FHIP1A: variants seen among roughly 807,000 people sequenced by gnomAD.
The protein encoded by FHIP1A is FHF complex subunit HOOK interacting protein 1A.
Under a neutral mutation model 88.6 loss-of-function variants are expected in FHIP1A, and 61 were observed. The observed-to-expected ratio is 0.69, with a 90% CI of 0.56 to 0.85. FHIP1A has a LOEUF of 0.85. Among genes scored for constraint, FHIP1A ranks in the 40% least tolerant of loss-of-function variants. FHIP1A has a pLI of 0.00. For synonymous variants in FHIP1A, 478 were observed against 496.0 expected (o/e 0.96, Z 0.48); for missense variants, 1,154 against 1,273.5 (o/e 0.91, Z 1.43).
intron 5 of FHIP1A, among the ~76,000 whole-genome samples, chr4:151,578,304 T>C (rs2126792016): frequency 6.6e-6 from 1 of 152,296 alleles, no homozygotes; most frequent in South Asian, 2.1e-4. Context: ...AGGCTAGATG[T>C]GTTACCATTT....
At chr4:151,458,856 A>G (rs1451695196) in intron 2 of FHIP1A, among the ~76,000 whole-genome samples, 2 of 152,250 alleles carry the variant, frequency 1.3e-5, no homozygotes, top group Middle Eastern at 3.4e-3. Flanking sequence ...GTGGATCTCT[A>G]TCAGGATCAC....
chr4:151,617,553 C>A (rs991575883), intron 7 of FHIP1A, among the ~76,000 whole-genome samples: 1 of 152,298 alleles, frequency 6.6e-6, no homozygotes, highest in Admixed American at 6.5e-5. Flanking sequence ...CGTGTTCCTG[C>A]TGGATTATCC....
chr4:151,664,802 CT>C lies in FHIP1A; in HGVS notation c.*2051del, dbSNP rs1475646389. ...CACATCTGTAAATGGAATTCTTTAG[CT>C]TTGTAGTTTGATTTACACCTTTCTC... On this transcript the variant is annotated 3_prime_UTR_variant, in exon 14 of 14. Transcript: ENST00000435205. Among the ~76,000 whole-genome samples, 1 of 152,166 alleles carries C rather than the reference CT, an allele frequency of 6.6e-6. No homozygotes were observed. Among genetic ancestry groups the C allele is most frequent in the Non-Finnish European group, 1.5e-5 (1 of 68,020 alleles).
rs1422914003 is a variant in FHIP1A at position 151,656,460 on chromosome 4, T to G, written c.2730+50T>G. The G allele has an allele frequency of 1.3e-6, 2 of 1,500,228 alleles. No individual in the cohort carries two copies. The highest frequency in any genetic ancestry group is 2.8e-5 in the African/African-American group (2 of 71,652). The allele number at this position is 1,500,228 out of a possible 1,614,324, so 92.9% of individuals were successfully genotyped here. A position where few individuals can be genotyped will look rare whatever the true frequency, so the allele number is the denominator to read the frequency against. ...CACCTGTTGATTTTGTGGGTGCTAA[T>G]TTGCAGGGCATCTATTTCTCTTTAT... On this transcript the variant is annotated intron_variant, in intron 12 of 13. Transcript: ENST00000435205. The surrounding 1 kb of genome is among the most constrained non-coding windows in gnomAD (Gnocchi z 4.2).
At chr4:151,501,661 T>G (rs1730652771) in intron 3 of FHIP1A, among the ~76,000 whole-genome samples, 1 of 151,980 alleles carries the variant, frequency 6.6e-6, no homozygotes, top group Non-Finnish European at 1.5e-5. Context: ...TTGTATTTCT[T>G]TGATAATCAA....
Position 151,488,019 on chromosome 4 carries a change from C to T in FHIP1A, c.-123+5371C>T, listed in dbSNP as rs190381286. Among the ~76,000 whole-genome samples, 781 of 152,302 alleles carry T rather than the reference C, an allele frequency of 5.1e-3. 6 individuals are homozygous for T. The highest frequency in any genetic ancestry group is 5.6e-3 in the Non-Finnish European group (382 of 68,012). On this transcript the variant is annotated intron_variant, in intron 3 of 13. Transcript: ENST00000435205. ...TTAAAACTACACTTCTGCTTCTCTA[C>T]ATTCATTGTAAGGGTTCTGGTCCAG...
chr4:151,650,121 G>A lies in FHIP1A; in HGVS notation c.2080G>A (p.Glu694Lys). 1 of 1,551,696 alleles carries A rather than the reference G, an allele frequency of 6.4e-7. No homozygotes were observed. The highest frequency in any genetic ancestry group is 1.2e-5 in the South Asian group (1 of 84,056). ...LLSTQPETDS[E>K]EEWNRDNSDP... The stretch of plus-strand genomic sequence containing the variant: ...CAGCACCCAGCCAGAGACAGATTCA[G>A]AGGAGGAGTGGAATAGGGACAATTC... Residue 694 changes from glutamate to lysine, a missense_variant, in exon 11 of 14, where the codon GAG becomes AAG. Glu to Lys is a moderately conservative substitution (Grantham distance 56, BLOSUM62 1). Transcript: ENST00000435205.
chr4:151,475,039 C>A (rs1729650260), intron 2 of FHIP1A, among the ~76,000 whole-genome samples: 1 of 152,158 alleles, frequency 6.6e-6, no homozygotes, highest in Non-Finnish European at 1.5e-5. Flanking sequence ...GGTTAAGGGT[C>A]AGGAATTGAA....
chr4:151,427,020 C>T (rs183279523), intron 1 of FHIP1A, among the ~76,000 whole-genome samples: 121 of 152,240 alleles, frequency 7.9e-4, no homozygotes, highest in Non-Finnish European at 1.5e-3. Flanking sequence ...CTAAAACACA[C>T]ATGCCCAATT....
chr4:151,654,957 G>T (rs1250332923), intron 11 of FHIP1A, among the ~76,000 whole-genome samples: 1 of 152,156 alleles, frequency 6.6e-6, no homozygotes, highest in Non-Finnish European at 1.5e-5. Flanking sequence ...TGGAGACAGG[G>T]ATATTGCAGT....
chr4:151,607,116 A>T (rs994786632), intron 7 of FHIP1A, among the ~76,000 whole-genome samples: 7 of 152,158 alleles, frequency 4.6e-5, no homozygotes, highest in African/African-American at 1.7e-4. Context: ...GCTGTCCGAG[A>T]TCCAGTTGTA....
Position 151,669,668 on chromosome 4 carries a change from G to A in FHIP1A, c.*6914G>A, listed in dbSNP as rs1386944864. 3.3e-5 allele frequency: 5 copies of A among 152,192 alleles called. No homozygotes were observed. The allele number at this position is 152,192 out of a possible 1,614,324, so 9.4% of individuals were successfully genotyped here. A position where few individuals can be genotyped will look rare whatever the true frequency, so the allele number is the denominator to read the frequency against. ...TGTAGAGAGATTTGGTGAAAATCAT[G>A]TTACTTTAGACCCAGTAGTTTTCAG... On this transcript the variant is annotated 3_prime_UTR_variant, in exon 14 of 14. Transcript: ENST00000435205.
chr4:151,524,542 A>T (rs1344802481), intron 3 of FHIP1A, among the ~76,000 whole-genome samples: 1 of 152,160 alleles, frequency 6.6e-6, no homozygotes, highest in Non-Finnish European at 1.5e-5. Context: ...TTCTGAGAGG[A>T]GGCACCAGCA....
intron 9 of FHIP1A, among the ~76,000 whole-genome samples, chr4:151,642,336 T>C (rs1736618145): frequency 6.6e-6 from 1 of 152,212 alleles, no homozygotes. Context: ...CATTGTCAGG[T>C]TTATGAACTG....
chr4:151,602,425 A>G (rs1020217008), intron 7 of FHIP1A, among the ~76,000 whole-genome samples: 6 of 152,170 alleles, frequency 3.9e-5, no homozygotes, highest in Non-Finnish European at 7.3e-5. Context: ...TGTCATCTCC[A>G]TGGAGTTTAT....
chr4:151,451,798 TTTTCTTTCTTTTTTTTC>T (rs1240997124), intron 1 of FHIP1A, among the ~76,000 whole-genome samples: 13 of 106,354 alleles, frequency 1.2e-4, no homozygotes, highest in Non-Finnish European at 2.2e-4. Context: ...TCTTTTTTCT[TTTTCTTTCTTTTTTTTC>T]TTTCTTTCTT....
At chr4:151,515,455 G>A (rs1012738898) in intron 3 of FHIP1A, among the ~76,000 whole-genome samples, 3 of 151,966 alleles carry the variant, frequency 2.0e-5, no homozygotes, top group Admixed American at 6.6e-5. Context: ...TCTGGCCAGG[G>A]CAATTAGGCA....
intron 1 of FHIP1A, among the ~76,000 whole-genome samples, chr4:151,454,065 C>G (rs1193009333): frequency 1.3e-5 from 2 of 152,022 alleles, no homozygotes; most frequent in African/African-American, 4.8e-5. Flanking sequence ...ATAATTTTTT[C>G]CCATAGGAAT....
intron 7 of FHIP1A, among the ~76,000 whole-genome samples, chr4:151,625,097 G>A (rs776972328): frequency 6.6e-6 from 1 of 152,146 alleles, no homozygotes; most frequent in Non-Finnish European, 1.5e-5. Context: ...TGGCAGCAGC[G>A]GGTAGGCTCG....
Sources: allele counts gnomAD v4.1 joint callset (sites outside exome capture counted in the v4.1 genomes callset), GRCh38; gene constraint gnomAD v4.1.1; non-coding constraint Gnocchi (gnomAD v3.1); transcripts MANE v1.5; gene names NCBI Gene and HGNC (gene_info 2026-07-23, HGNC 2026-07-21).